Variants in ZBTB21 observed in about 807,000 individuals in gnomAD.
The protein encoded by ZBTB21 is zinc finger and BTB domain containing 21.
A neutral mutation model predicts 39.8 loss-of-function variants in ZBTB21; 10 were observed. The ratio of observed to expected loss-of-function variants is 0.25; its 90% CI spans 0.16 to 0.43. ZBTB21 has a LOEUF of 0.43. Among genes scored for constraint, ZBTB21 ranks in the 20% least tolerant of loss-of-function variants. The probability of loss-of-function intolerance (pLI) is 1.00; values close to 1 mark genes in which losing one functional copy is unlikely to be tolerated. For synonymous variants in ZBTB21, 551 were observed against 498.8 expected (o/e 1.10, Z -1.40); for missense variants, 1,221 against 1,296.3 (o/e 0.94, Z 0.89).
rs553654791 is a variant in ZBTB21, at chr21:41,991,581, C to T, written c.2515G>A (p.Val839Ile). Residue 839 changes from valine (V) to isoleucine (I), a missense_variant, in exon 3 of 3, where the codon GTC becomes ATC. By Grantham distance (29) the Val-to-Ile change is conservative. Coordinates refer to ENST00000310826, the MANE Select transcript of ZBTB21 (RefSeq NM_001098402.2). The surrounding 1 kb of genome is among the most constrained non-coding windows in gnomAD (Gnocchi z 4.9). The part of the protein sequence containing the change: ...QPEPNKVNHI[V>I]TTKDDNVFSD... ...AACACGTTGTCGTCTTTTGTGGTGA[C>T]GATGTGGTTTACTTTGTTGGGCTCA... 58 of 1,614,128 alleles carry T rather than the reference C, an allele frequency of 3.6e-5. No homozygotes were observed. Among genetic ancestry groups the T allele is most frequent in the Admixed American group, 2.5e-4 (15 of 60,020 alleles).
In ZBTB21 at chr21:41,991,036, C is replaced by T; in HGVS notation, c.3060G>A (p.Val1020=). ...AAAAAAGGGTGTCTGATTCTTGGGG[C>T]ACAAACAGTTTTTCTGTGGCTGGAG... ...NPTPATEKLF[V]PQESDTLFYH... Residue 1020 remains valine (V), a synonymous_variant, in exon 3 of 3, where the codon GTG becomes GTA. Coordinates refer to ENST00000310826, the MANE Select transcript of ZBTB21 (RefSeq NM_001098402.2). The surrounding 1 kb of genome is among the most constrained non-coding windows in gnomAD (Gnocchi z 4.9). 6.3e-7 allele frequency: 1 copy of T among 1,584,022 alleles called. No individual in the cohort carries two copies. The highest frequency in any genetic ancestry group is 8.6e-7 in the Non-Finnish European group (1 of 1,166,044).
At position 41,993,744 on chromosome 21, in the gene ZBTB21, C is replaced by A. The variant is rs377604420; in HGVS notation, c.352G>T (p.Val118Phe). Residue 118 changes from valine to phenylalanine, a missense_variant, in exon 3 of 3, where the codon GTT (valine) becomes TTT (phenylalanine). By Grantham distance (50) the Val-to-Phe change is conservative (BLOSUM62 -1). Around this residue, in one of 4 missense-constraint regions of ZBTB21, gnomAD observed 108 missense variants for 155.0 expected, o/e 0.70. Coordinates refer to ENST00000310826, the MANE Select transcript of ZBTB21 (RefSeq NM_001098402.2). ...AAGGGGGCTTGAGGTGTTTTAGAAA[C>A]GATGTTAGTCAGAAAGGAAATCCCA... ...SLGISFLTNI[V>F]SKTPQAPFPT... 3 of 1,614,102 alleles carry A rather than the reference C, an allele frequency of 1.9e-6. No individual in the cohort carries two copies. The highest frequency in any genetic ancestry group is 1.7e-5 in the Admixed American group (1 of 60,016).
intron 1 of ZBTB21, among the ~76,000 whole-genome samples, chr21:42,006,467 A>AT (rs1386340177): frequency 1.3e-5 from 2 of 151,140 alleles, no homozygotes; most frequent in East Asian, 3.9e-4. Context: ...TCCCTTAGTT[A>AT]TTCCCTAGTG....
intron 1 of ZBTB21, 135 bp downstream of exon 1, chr21:42,010,117 A>G (rs925997825): frequency 1.3e-5 from 5 of 387,198 alleles, no homozygotes; most frequent in Non-Finnish European, 2.3e-5. Flanking sequence ...GGAGCCCGCA[A>G]CCCGCTGGTG....
At position 41,990,404 on chromosome 21, in the gene ZBTB21, A is replaced by G. The variant is rs2065634459; in HGVS notation, c.*491T>C. ...GTCAGGATAACTTATTAAAGTTGAG[A>G]TTTATCTTTTATTGCTAAAGTAGTC... is the stretch of plus-strand genomic sequence containing the variant. On this transcript the variant is annotated 3_prime_UTR_variant, in exon 3 of 3. Transcript: ENST00000310826. The G allele has an allele frequency of 6.5e-6, 1 of 152,686 alleles. No homozygotes were observed. Among genetic ancestry groups the G allele is most frequent in the African/African-American group, 2.4e-5 (1 of 41,466 alleles). 9.5% of individuals were successfully genotyped at this position (152,686 alleles called of 1,614,324 possible). A position where few individuals can be genotyped will look rare whatever the true frequency, so the allele number is the denominator to read the frequency against.
At position 41,991,764 on chromosome 21, in the gene ZBTB21, G is replaced by A. The variant is rs150534082; in HGVS notation, c.2332C>T (p.Leu778Phe). The part of the protein sequence containing the change: ...SKCEYKKLTC[L>F]ECMRTFKSSF... ...GACTTGAAGGTGCGCATGCACTCGA[G>A]GCAGGTCAGCTTCTTATACTCACAC... is the stretch of plus-strand genomic sequence containing the variant. The change falls in exon 3 of 3, where the codon CTC (leucine) becomes TTC (phenylalanine). Residue 778 changes from leucine (L) to phenylalanine (F), a missense_variant. Physicochemically the swap from Leu to Phe is conservative, Grantham distance 22. This residue lies in a region of ZBTB21 where 523 missense variants were observed against 542.5 expected (regional missense o/e 0.96). Transcript: ENST00000310826. The surrounding 1 kb of genome is among the most constrained non-coding windows in gnomAD (Gnocchi z 4.9). The A allele has an allele frequency of 6.2e-7, 1 of 1,614,236 alleles. No homozygotes were observed. The highest frequency in any genetic ancestry group is 8.5e-7 in the Non-Finnish European group (1 of 1,180,040).
intron 2 of ZBTB21, among the ~76,000 whole-genome samples, chr21:41,996,226 G>C (rs914317905): frequency 2.0e-5 from 3 of 152,238 alleles, no homozygotes; most frequent in Non-Finnish European, 4.4e-5. Flanking sequence ...CTGGCACTGC[G>C]TGCCTGCAAA....
intron 1 of ZBTB21, among the ~76,000 whole-genome samples, chr21:42,004,816 A>AAC (rs960314973): frequency 3.9e-5 from 6 of 152,244 alleles, no homozygotes; most frequent in South Asian, 2.1e-4. Flanking sequence ...TTGGAACATA[A>AAC]ACACACACAC....
chr21:41,991,119 G>A lies in ZBTB21; in HGVS notation c.2977C>T (p.Leu993=). The change falls in exon 3 of 3, where the codon CTG becomes TTG. Residue 993 remains leucine, a synonymous_variant. Coordinates refer to ENST00000310826, the MANE Select transcript of ZBTB21 (RefSeq NM_001098402.2). This position sits in a 1 kb window ranked among gnomAD's most constrained non-coding sequence, Gnocchi z 4.9. ...SPPPLPPPPP[L]PKIQPLEPDS... ...GGCTCCAGAGGCTGGATCTTGGGCA[G>A]TGGTGGTGGCGGTGGCAGAGGTGGT... is the stretch of plus-strand genomic sequence containing the variant. The A allele has an allele frequency of 1.9e-6, 3 of 1,613,814 alleles. No individual in the cohort carries two copies. Among genetic ancestry groups the A allele is most frequent in the Non-Finnish European group, 2.5e-6 (3 of 1,179,816 alleles).
In ZBTB21 at chr21:41,989,173, T is replaced by C. The variant is rs2065617615; in HGVS notation, c.*1722A>G. ...GAATAGGAAGTTAACTACTAAAATA[T>C]TGTGGAATTTTGGAGTTTTTTCAAG... is the stretch of plus-strand genomic sequence containing the variant. On this transcript the variant is annotated 3_prime_UTR_variant, in exon 3 of 3. Transcript: ENST00000310826. 6.6e-6 allele frequency: 1 copy of C among 152,100 alleles called. No homozygotes were observed. Among genetic ancestry groups the C allele is most frequent in the Non-Finnish European group, 1.5e-5 (1 of 67,992 alleles). 9.4% of individuals were successfully genotyped at this position (152,100 alleles called of 1,614,324 possible).
At chr21:41,999,129 T>C (rs2065787227) in intron 2 of ZBTB21, among the ~76,000 whole-genome samples, 1 of 152,192 alleles carries the variant, frequency 6.6e-6, no homozygotes, top group African/African-American at 2.4e-5. Flanking sequence ...CTCAGCTGGG[T>C]ACTGAGGAGT....
chr21:41,993,495 A>G lies in ZBTB21; in HGVS notation c.601T>C (p.Leu201=), dbSNP rs745433229. Residue 201 remains leucine (L), a synonymous_variant, in exon 3 of 3, where the codon TTG becomes CTG. Coordinates refer to ENST00000310826, the MANE Select transcript of ZBTB21 (RefSeq NM_001098402.2). ...VPKPIEPLHN[L]SLTEKSWPKD... ...GGCCAACTCTTTTCAGTTAATGACA[A>G]ATTATGAAGTGGTTCTATTGGTTTT... 5 of 1,614,236 alleles carry G rather than the reference A, an allele frequency of 3.1e-6. No individual in the cohort carries two copies. The African/African-American group carries it at 4.0e-5, about 13-fold the overall frequency.
chr21:42,003,612 C>T (rs755424425), intron 1 of ZBTB21, among the ~76,000 whole-genome samples: 1 of 152,096 alleles, frequency 6.6e-6, no homozygotes, highest in Non-Finnish European at 1.5e-5. Flanking sequence ...TTCTGAGCAA[C>T]GACATGATGC....
At position 41,992,911 on chromosome 21, in the gene ZBTB21, T is replaced by G. The variant is rs1472228198; in HGVS notation, c.1185A>C (p.Leu395=). 3 of 1,614,226 alleles carry G rather than the reference T, an allele frequency of 1.9e-6. No individual in the cohort carries two copies. The highest frequency in any genetic ancestry group is 1.7e-6 in the Non-Finnish European group (2 of 1,180,042). ...GTTGTAGCACTTGAGGCCTGTCATC[T>G]AGGGCTGTTTTTTCACTACAATCTT... ...SLKDCSEKTA[L]DDRPQVLQPH... The change falls in exon 3 of 3, where the codon CTA becomes CTC. Residue 395 remains leucine (L), a synonymous_variant. Transcript: ENST00000310826. The surrounding 1 kb of genome is among the most constrained non-coding windows in gnomAD (Gnocchi z 4.1).
chr21:41,997,588 A>C (rs1009001788), intron 2 of ZBTB21, among the ~76,000 whole-genome samples: 4 of 135,062 alleles, frequency 3.0e-5, no homozygotes, highest in South Asian at 2.6e-4. Context: ...AAAAAAAAAA[A>C]ACAAAAAAAC....
chr21:41,988,330 C>T lies in ZBTB21; in HGVS notation c.*2565G>A, dbSNP rs2065605349. On this transcript the variant is annotated 3_prime_UTR_variant, in exon 3 of 3. Coordinates refer to ENST00000310826, the MANE Select transcript of ZBTB21 (RefSeq NM_001098402.2). ...CTTACATGGAATAAAGAGCTTTCTA[C>T]ATTTTCAAAATTAATTACAATCCTA... is the stretch of plus-strand genomic sequence containing the variant. 1 of 152,178 alleles carries T rather than the reference C, an allele frequency of 6.6e-6. No homozygotes were observed. Among genetic ancestry groups the T allele is most frequent in the South Asian group, 2.1e-4 (1 of 4,834 alleles). The allele number at this position is 152,178 out of a possible 1,614,324, so 9.4% of individuals were successfully genotyped here. A position where few individuals can be genotyped will look rare whatever the true frequency, so the allele number is the denominator to read the frequency against.
At chr21:41,997,200 G>A (rs1237760335) in intron 2 of ZBTB21, among the ~76,000 whole-genome samples, 1 of 152,128 alleles carries the variant, frequency 6.6e-6, no homozygotes, top group Non-Finnish European at 1.5e-5. Context: ...GGGATTACAG[G>A]CATGAACCAC....
chr21:41,987,998 T>C lies in ZBTB21; in HGVS notation c.*2897A>G, dbSNP rs1032945904. On this transcript the variant is annotated 3_prime_UTR_variant, in exon 3 of 3. Transcript: ENST00000310826. ...ATTCCAAACCAGAAAACCAAGAACATCACACATCTCCCCACAAATGCAAAG... is the reference window on the plus strand; with the variant it reads ...ATTCCAAACCAGAAAACCAAGAACACCACACATCTCCCCACAAATGCAAAG... 6.6e-6 allele frequency: 1 copy of C among 152,176 alleles called. No homozygotes were observed. Among genetic ancestry groups the C allele is most frequent in the Non-Finnish European group, 1.5e-5 (1 of 68,024 alleles). The allele number at this position is 152,176 out of a possible 1,614,324, so 9.4% of individuals were successfully genotyped here. A position where few individuals can be genotyped will look rare whatever the true frequency, so the allele number is the denominator to read the frequency against.
chr21:41,992,992 C>A lies in ZBTB21; in HGVS notation c.1104G>T (p.Val368=). The A allele has an allele frequency of 6.2e-7, 1 of 1,614,188 alleles. No homozygotes were observed. The highest frequency in any genetic ancestry group is 8.5e-7 in the Non-Finnish European group (1 of 1,180,034). The stretch of plus-strand genomic sequence containing the variant: ...ACACATTCCCTGGTGCATCACTGGA[C>A]ACCGAAGATGATCCCTGGGAAGATT... The part of the protein sequence containing the change: ...DLKSSQGSSS[V]SSDAPGNVLC... Residue 368 remains valine (V), a synonymous_variant, in exon 3 of 3, where the codon GTG becomes GTT. Transcript: ENST00000310826. This position sits in a 1 kb window ranked among gnomAD's most constrained non-coding sequence, Gnocchi z 4.1.
Sources: gnomAD v4.1 joint callset for allele counts (sites outside exome capture counted in the v4.1 genomes callset) on GRCh38, gnomAD v4.1.1 for gene constraint, gnomAD v4.1.1 regional missense constraint, Gnocchi (gnomAD v3.1) non-coding constraint, MANE v1.5 for transcripts, NCBI Gene and HGNC (gene_info 2026-07-23, HGNC 2026-07-21) for gene names.